The following DLGAP1 variants were observed in gnomAD, a reference collection of about 807,000 sequenced individuals.
DLGAP1 encodes disks large-associated protein 1.
DLGAP1 carries 11 observed loss-of-function variants against 90.8 expected under a neutral mutation model. That is an observed-to-expected ratio of 0.12 (90% CI 0.08 to 0.20). DLGAP1 has a LOEUF of 0.20. Ranked by LOEUF, DLGAP1 falls within the 10% of genes least tolerant of loss-of-function variation. The probability of loss-of-function intolerance (pLI) is 1.00; values close to 1 mark genes in which losing one functional copy is unlikely to be tolerated. For synonymous variants in DLGAP1, 558 were observed against 540.7 expected (o/e 1.03, Z -0.44); for missense variants, 1,050 against 1,333.8 (o/e 0.79, Z 3.31).
intron 1 of DLGAP1, among the ~76,000 whole-genome samples, chr18:4,406,739 A>G (rs1471611283): frequency 6.6e-6 from 1 of 152,226 alleles, no homozygotes; most frequent in Non-Finnish European, 1.5e-5. Context: ...CAAGCCAGTT[A>G]GAAGAGTCCT....
At chr18:3,979,662 A>G (rs959791912) in intron 3 of DLGAP1, among the ~76,000 whole-genome samples, 2 of 152,256 alleles carry the variant, frequency 1.3e-5, no homozygotes, top group African/African-American at 4.8e-5. Context: ...ACCACAGTTA[A>G]GCATAATGTT....
At chr18:4,147,896 T>C (rs1009357846) in intron 2 of DLGAP1, among the ~76,000 whole-genome samples, 1 of 152,178 alleles carries the variant, frequency 6.6e-6, no homozygotes, top group African/African-American at 2.4e-5. Context: ...ACAGAGTGGT[T>C]CTCCAAGTTA....
chr18:4,123,417 C>A (rs1480729468), intron 2 of DLGAP1, among the ~76,000 whole-genome samples: 1 of 152,018 alleles, frequency 6.6e-6, no homozygotes, highest in Non-Finnish European at 1.5e-5. Flanking sequence ...TAAGGATGCA[C>A]AGAGGAGAGG....
At chr18:4,026,777 A>C (rs895422787) in intron 2 of DLGAP1, among the ~76,000 whole-genome samples, 1 of 152,182 alleles carries the variant, frequency 6.6e-6, no homozygotes, top group Non-Finnish European at 1.5e-5. Flanking sequence ...AGACATGCAA[A>C]AACCTTTTCA....
In DLGAP1 at chr18:3,653,005, T is replaced by C. The variant is rs1462257599; in HGVS notation, c.1592-70757A>G. Among the ~76,000 whole-genome samples, 2 of 152,100 alleles carry C rather than the reference T, an allele frequency of 1.3e-5. No individual in the cohort carries two copies. Among genetic ancestry groups the C allele is most frequent in the African/African-American group, 4.8e-5 (2 of 41,416 alleles). On this transcript the variant is annotated intron_variant, in intron 7 of 12. Coordinates refer to ENST00000315677, the MANE Select transcript of DLGAP1 (RefSeq NM_004746.4). This position sits in a 1 kb window ranked among gnomAD's most constrained non-coding sequence, Gnocchi z 4.6. ...TGGCCCCTCCTTCCCTGGAAATAAATAGCTGCCTATAGAATATCAGAGTCA... is the reference window on the plus strand; with the variant it reads ...TGGCCCCTCCTTCCCTGGAAATAAACAGCTGCCTATAGAATATCAGAGTCA...
intron 10 of DLGAP1, among the ~76,000 whole-genome samples, chr18:3,525,366 AT>A (rs2051547608): frequency 6.6e-6 from 1 of 152,154 alleles, no homozygotes; most frequent in Admixed American, 6.5e-5. Flanking sequence ...AAAACTGTAT[AT>A]TTTATTTGAA....
intron 9 of DLGAP1, among the ~76,000 whole-genome samples, chr18:3,542,449 G>A (rs2052746198): frequency 6.6e-6 from 1 of 152,286 alleles, no homozygotes; most frequent in East Asian, 1.9e-4. Context: ...CTGATTTTCT[G>A]GATGCTGAAG....
chr18:3,890,873 T>A (rs1479561197), intron 3 of DLGAP1, among the ~76,000 whole-genome samples: 1 of 152,172 alleles, frequency 6.6e-6, no homozygotes, highest in Non-Finnish European at 1.5e-5. Context: ...GAATTACAGA[T>A]GTGCACCACT....
intron 1 of DLGAP1, among the ~76,000 whole-genome samples, chr18:4,151,907 C>G (rs920773412): frequency 1.3e-5 from 2 of 152,168 alleles, no homozygotes; most frequent in Admixed American, 1.3e-4. Context: ...AGCAAACCAC[C>G]ATGGCACATG....
intron 1 of DLGAP1, among the ~76,000 whole-genome samples, chr18:4,272,756 GTGCTAACCCTTGAAA>G (rs1352264460): frequency 6.6e-6 from 1 of 152,206 alleles, no homozygotes; most frequent in Non-Finnish European, 1.5e-5. Flanking sequence ...ATATGTTCAA[GTGCTAACCCTTGAAA>G]CCTGTGAATG....
chr18:3,998,949 G>A (rs1054866202), intron 3 of DLGAP1, among the ~76,000 whole-genome samples: 2 of 152,098 alleles, frequency 1.3e-5, no homozygotes, highest in African/African-American at 4.8e-5. Flanking sequence ...TGGACAGACA[G>A]GCTCAATAGG....
intron 7 of DLGAP1, among the ~76,000 whole-genome samples, chr18:3,615,247 A>G (rs2057809833): frequency 6.6e-6 from 1 of 152,182 alleles, no homozygotes. Flanking sequence ...AAAAAGATGC[A>G]TAAATAGAGT....
intron 9 of DLGAP1, among the ~76,000 whole-genome samples, chr18:3,550,017 G>A (rs554589625): frequency 1.3e-5 from 2 of 152,008 alleles, no homozygotes; most frequent in African/African-American, 4.8e-5. Flanking sequence ...GGGTTCAAGC[G>A]ATTTTCCTGC....
intron 1 of DLGAP1, among the ~76,000 whole-genome samples, chr18:4,279,273 A>G (rs1004896148): frequency 1.3e-5 from 2 of 150,546 alleles, no homozygotes; most frequent in African/African-American, 5.0e-5. Flanking sequence ...TCTAAAATAG[A>G]AATCCTTAAA....
chr18:4,032,742 C>T (rs1200847066), intron 2 of DLGAP1, among the ~76,000 whole-genome samples: 1 of 150,108 alleles, frequency 6.7e-6, no homozygotes, highest in African/African-American at 2.5e-5. Flanking sequence ...GTTTCTGAGC[C>T]CATGTACTCC....
intron 1 of DLGAP1, among the ~76,000 whole-genome samples, chr18:4,440,407 T>C (rs990222540): frequency 2.6e-5 from 4 of 152,206 alleles, no homozygotes; most frequent in African/African-American, 7.2e-5. Context: ...ATTTTCAGTA[T>C]GGGACATTTG....
At chr18:3,595,331 GCC>G (rs1437453415) in intron 7 of DLGAP1, among the ~76,000 whole-genome samples, 1 of 152,186 alleles carries the variant, frequency 6.6e-6, no homozygotes, top group East Asian at 1.9e-4. Context: ...ATTTCAGAAG[GCC>G]CAGGGCCAGA....
intron 9 of DLGAP1, among the ~76,000 whole-genome samples, chr18:3,556,399 C>G (rs1411533418): frequency 6.6e-6 from 1 of 152,188 alleles, no homozygotes; most frequent in African/African-American, 2.4e-5. Context: ...TTCACTGCCC[C>G]AGACATCCTC....
At chr18:3,703,752 A>G (rs2061351877) in intron 7 of DLGAP1, among the ~76,000 whole-genome samples, 1 of 152,094 alleles carries the variant, frequency 6.6e-6, no homozygotes, top group African/African-American at 2.4e-5. Context: ...TTCTGGAAAC[A>G]TTTTAGTTGC....
Sources: gnomAD v4.1 joint callset for allele counts (sites outside exome capture counted in the v4.1 genomes callset) on GRCh38, gnomAD v4.1.1 for gene constraint, Gnocchi (gnomAD v3.1) non-coding constraint, MANE v1.5 for transcripts, NCBI Gene and HGNC (gene_info 2026-07-23, HGNC 2026-07-21) for gene names.